CACNB2: variants seen among roughly 807,000 people sequenced by gnomAD.
CACNB2 encodes voltage-dependent L-type calcium channel subunit beta-2.
CACNB2 carries 42 observed loss-of-function variants against 73.3 expected under a neutral mutation model. The ratio of observed to expected loss-of-function variants is 0.57; its 90% CI spans 0.45 to 0.74. The LOEUF is 0.74. Among genes scored for constraint, CACNB2 ranks in the 30% least tolerant of loss-of-function variants. The probability of loss-of-function intolerance (pLI) is 0.00; values close to 1 mark genes in which losing one functional copy is unlikely to be tolerated. For missense variants in CACNB2, 940 were observed against 853.0 expected (o/e 1.10, Z -1.27); for synonymous variants, 348 against 310.3 (o/e 1.12, Z -1.28).
chr10:18,403,466 G>A (rs1022467880), intron 3 of CACNB2, among the ~76,000 whole-genome samples: 3 of 152,096 alleles, frequency 2.0e-5, no homozygotes, highest in Non-Finnish European at 2.9e-5. Context: ...TTCTATTTGC[G>A]GCTAATTTAT....
chr10:18,401,108 C>G (rs776234515), intron 2 of CACNB2: 2 of 1,614,040 alleles, frequency 1.2e-6, no homozygotes, highest in South Asian at 2.2e-5. Flanking sequence ...TGTGTAAGCG[C>G]AAGGGCTTTC....
At chr10:18,402,097 T>C in intron 3 of CACNB2, 54 bp downstream of exon 3, 5 of 1,589,092 alleles carry the variant, frequency 3.1e-6, no homozygotes, top group East Asian at 2.2e-5. Context: ...GTGCCCCTGA[T>C]AGACCACCTG....
intron 11 of CACNB2, among the ~76,000 whole-genome samples, chr10:18,534,716 C>T (rs2053394089): frequency 6.6e-6 from 1 of 152,170 alleles, no homozygotes; most frequent in African/African-American, 2.4e-5. Flanking sequence ...TAAATCTTGA[C>T]TTTTAATATT....
At chr10:18,532,148 G>T (rs181753136) in intron 10 of CACNB2, among the ~76,000 whole-genome samples, 39 of 152,114 alleles carry the variant, frequency 2.6e-4, no homozygotes, top group African/African-American at 8.7e-4. Flanking sequence ...ATTTGTCATC[G>T]ATTCTTAAGG....
At chr10:18,327,812 T>C (rs186303172) in intron 2 of CACNB2, among the ~76,000 whole-genome samples, 1 of 152,218 alleles carries the variant, frequency 6.6e-6, no homozygotes, top group East Asian at 1.9e-4. Context: ...TAACCTCTTC[T>C]TACAGATGAG....
At chr10:18,248,644 A>G (rs926509644) in intron 2 of CACNB2, among the ~76,000 whole-genome samples, 4 of 152,234 alleles carry the variant, frequency 2.6e-5, no homozygotes, top group African/African-American at 9.6e-5. Flanking sequence ...GAGAATGTCT[A>G]TGATCTCATT....
At chr10:18,371,085 A>C (rs2042561312) in intron 2 of CACNB2, among the ~76,000 whole-genome samples, 1 of 152,244 alleles carries the variant, frequency 6.6e-6, no homozygotes, top group Non-Finnish European at 1.5e-5. Flanking sequence ...TCCAACAGCC[A>C]GCAATGTTTG....
At chr10:18,428,672 C>T (rs959109801) in intron 3 of CACNB2, among the ~76,000 whole-genome samples, 2 of 137,644 alleles carry the variant, frequency 1.5e-5, no homozygotes, top group Admixed American at 1.6e-4. Flanking sequence ...GGTGACAAAG[C>T]GAGACACTGT....
intron 3 of CACNB2, among the ~76,000 whole-genome samples, chr10:18,479,670 G>T (rs2048620115): frequency 6.7e-6 from 1 of 149,576 alleles, no homozygotes; most frequent in Admixed American, 6.7e-5. Context: ...GAGATCTGAT[G>T]GTTTAAAAGT....
intron 10 of CACNB2, among the ~76,000 whole-genome samples, chr10:18,530,351 G>A (rs1419247620): frequency 6.6e-6 from 1 of 152,092 alleles, no homozygotes; most frequent in Non-Finnish European, 1.5e-5. Flanking sequence ...CATAGTGTTT[G>A]TTTTACAGGA....
chr10:18,284,041 C>T (rs931106895), intron 2 of CACNB2, among the ~76,000 whole-genome samples: 11 of 151,464 alleles, frequency 7.3e-5, no homozygotes, highest in African/African-American at 2.4e-4. Context: ...TTCAAAAATA[C>T]ACTAATGTGA....
At chr10:18,169,325 G>C (rs1255063314) in intron 2 of CACNB2, among the ~76,000 whole-genome samples, 1 of 152,086 alleles carries the variant, frequency 6.6e-6, no homozygotes, top group Non-Finnish European at 1.5e-5. Flanking sequence ...ATGTTTACCA[G>C]ATGATTTAAC....
In CACNB2 at chr10:18,539,818, T is replaced by C. The variant is rs2053970228; in HGVS notation, c.*94T>C. ...AAAGTCTTTGGGGTCTACACTGCAA[T>C]CATATGTGATCTGTCTTGTAATATT... is the stretch of plus-strand genomic sequence containing the variant. On this transcript the variant is annotated 3_prime_UTR_variant, in exon 14 of 14. Coordinates refer to ENST00000324631, the MANE Select transcript of CACNB2 (RefSeq NM_201596.3). The C allele has an allele frequency of 3.3e-6, 4 of 1,212,260 alleles. No homozygotes were observed. Among genetic ancestry groups the C allele is most frequent in the Non-Finnish European group, 3.5e-6 (3 of 852,648 alleles). 75.1% of individuals were successfully genotyped at this position (1,212,260 alleles called of 1,614,324 possible).
chr10:18,519,694 A>ATT (rs200407642), intron 9 of CACNB2: 18 of 451,258 alleles, frequency 4.0e-5, no homozygotes, highest in African/African-American at 1.6e-4. Context: ...TAGGTGTCTC[A>ATT]TTTTTTTTTC....
intron 9 of CACNB2, among the ~76,000 whole-genome samples, chr10:18,524,461 G>C (rs1166842136): frequency 6.6e-6 from 1 of 151,670 alleles, no homozygotes; most frequent in Non-Finnish European, 1.5e-5. Flanking sequence ...TTTGAGACCA[G>C]CCTGGCCAAC....
At chr10:18,165,405 C>T (rs948850514) in intron 2 of CACNB2, among the ~76,000 whole-genome samples, 3 of 152,222 alleles carry the variant, frequency 2.0e-5, no homozygotes, top group Non-Finnish European at 2.9e-5. Flanking sequence ...CACCTGTGCC[C>T]TCTTTTGGAA....
At chr10:18,380,414 AGTAAAT>A (rs2042965360) in intron 2 of CACNB2, among the ~76,000 whole-genome samples, 1 of 151,520 alleles carries the variant, frequency 6.6e-6, no homozygotes. Context: ...TACTTTCTAA[AGTAAAT>A]GAGAAATTGC....
intron 2 of CACNB2, among the ~76,000 whole-genome samples, chr10:18,242,030 TAGTC>T (rs1285062156): frequency 1.3e-5 from 2 of 151,950 alleles, no homozygotes; most frequent in African/African-American, 2.4e-5. Context: ...TTCTAGTACA[TAGTC>T]AAGTAACAAA....
At chr10:18,312,774 C>T (rs1271681004) in intron 2 of CACNB2, among the ~76,000 whole-genome samples, 1 of 152,122 alleles carries the variant, frequency 6.6e-6, no homozygotes, top group Non-Finnish European at 1.5e-5. Flanking sequence ...TCTCCTTTGC[C>T]TGTATTTTTT....
Sources: allele counts gnomAD v4.1 joint callset (sites outside exome capture counted in the v4.1 genomes callset), GRCh38; gene constraint gnomAD v4.1.1; transcripts MANE v1.5; gene names NCBI Gene and HGNC (gene_info 2026-07-23, HGNC 2026-07-21).